The following CNTNAP2 variants were observed in gnomAD, a reference collection of about 807,000 sequenced individuals.
The protein encoded by CNTNAP2 is contactin associated protein 2.
CNTNAP2 carries 98 observed loss-of-function variants against 155.2 expected under a neutral mutation model. The ratio of observed to expected loss-of-function variants is 0.63; its 90% CI spans 0.54 to 0.75. The LOEUF is 0.75. Ranked by LOEUF, CNTNAP2 falls within the 30% of genes least tolerant of loss-of-function variation. The probability of loss-of-function intolerance (pLI) is 0.00; values close to 1 mark genes in which losing one functional copy is unlikely to be tolerated. For synonymous variants in CNTNAP2, 651 were observed against 631.2 expected, an observed-to-expected ratio of 1.03 and a Z score of -0.47; for missense variants, 1,727 against 1,688.1, an observed-to-expected ratio of 1.02 and a Z score of -0.40.
At chr7:146,687,510 G>A (rs1017997293) in intron 1 of CNTNAP2, among the ~76,000 whole-genome samples, 8 of 152,094 alleles carry the variant, frequency 5.3e-5, no homozygotes, top group African/African-American at 9.7e-5. Flanking sequence ...AGAAGGGAAC[G>A]ACTCGACTTA....
intron 2 of CNTNAP2, among the ~76,000 whole-genome samples, chr7:146,808,147 T>C (rs1803001514): frequency 6.6e-6 from 1 of 152,206 alleles, no homozygotes; most frequent in East Asian, 1.9e-4. Context: ...AAGCACATTC[T>C]CTAATATAAT....
intron 13 of CNTNAP2, among the ~76,000 whole-genome samples, chr7:147,847,775 G>T (rs1323960801): frequency 6.8e-5 from 3 of 44,332 alleles, no homozygotes; most frequent in Non-Finnish European, 1.2e-4. Flanking sequence ...ATGGGTTTTC[G>T]GTGTAGATGT....
intron 1 of CNTNAP2, among the ~76,000 whole-genome samples, chr7:146,565,735 G>A (rs1389246962): frequency 6.6e-6 from 1 of 152,188 alleles, no homozygotes; most frequent in Non-Finnish European, 1.5e-5. Context: ...CTGCACATGA[G>A]CTGTTCATTT....
At chr7:147,954,155 T>C (rs1377054175) in intron 14 of CNTNAP2, among the ~76,000 whole-genome samples, 1 of 152,290 alleles carries the variant, frequency 6.6e-6, no homozygotes, top group East Asian at 1.9e-4. Flanking sequence ...TCCAGTGTAC[T>C]ATGGAGAGAC....
intron 9 of CNTNAP2, among the ~76,000 whole-genome samples, chr7:147,339,019 T>G (rs1369015794): frequency 6.6e-6 from 1 of 152,192 alleles, no homozygotes; most frequent in Non-Finnish European, 1.5e-5. Flanking sequence ...TCAAATGTAT[T>G]TTAAATGCTG....
chr7:147,150,637 G>C (rs1479069495), intron 8 of CNTNAP2, among the ~76,000 whole-genome samples: 1 of 152,020 alleles, frequency 6.6e-6, no homozygotes, highest in Non-Finnish European at 1.5e-5. Context: ...GAAAACCTAG[G>C]CTAATGCTCT....
chr7:146,721,002 C>CTATATAT (rs1270854715), intron 1 of CNTNAP2, among the ~76,000 whole-genome samples: 3,498 of 90,980 alleles, frequency 0.038, 209 homozygotes, highest in African/African-American at 0.3. Context: ...TATATATAGT[C>CTATATAT]TATATATATA....
intron 1 of CNTNAP2, among the ~76,000 whole-genome samples, chr7:146,224,717 T>G (rs920499682): frequency 1.3e-5 from 2 of 151,996 alleles, no homozygotes; most frequent in African/African-American, 4.8e-5. Context: ...TGCAGTGAGC[T>G]GAGATCGCGC....
chr7:147,346,054 C>G (rs997480065), intron 9 of CNTNAP2, among the ~76,000 whole-genome samples: 4 of 152,090 alleles, frequency 2.6e-5, no homozygotes, highest in African/African-American at 9.7e-5. Flanking sequence ...TATTACATTT[C>G]TACAAAGGAA....
intron 14 of CNTNAP2, among the ~76,000 whole-genome samples, chr7:147,931,119 C>T (rs1800494386): frequency 6.6e-6 from 1 of 151,340 alleles, no homozygotes; most frequent in Non-Finnish European, 1.5e-5. Flanking sequence ...ACCTAACATA[C>T]CTCAAGAAAC....
At chr7:146,297,704 A>G (rs1038518572) in intron 1 of CNTNAP2, among the ~76,000 whole-genome samples, 18 of 152,190 alleles carry the variant, frequency 1.2e-4, no homozygotes, top group African/African-American at 4.1e-4. Flanking sequence ...AGTAATTGGC[A>G]TTAATAGCTT....
intron 21 of CNTNAP2, among the ~76,000 whole-genome samples, chr7:148,278,375 G>A (rs1272308611): frequency 6.6e-6 from 1 of 151,990 alleles, no homozygotes; most frequent in Non-Finnish European, 1.5e-5. Context: ...GACCATCCTG[G>A]CTAACATGGC....
intron 1 of CNTNAP2, among the ~76,000 whole-genome samples, chr7:146,234,634 T>G (rs975919107): frequency 1.5e-4 from 23 of 151,846 alleles, no homozygotes; most frequent in Non-Finnish European, 2.8e-4. Context: ...TGAATTAATT[T>G]TTGTATAAGG....
chr7:147,414,949 AAAAAAAAAAAAAAAG>A (rs1797166796), intron 10 of CNTNAP2, among the ~76,000 whole-genome samples: 1 of 149,746 alleles, frequency 6.7e-6, no homozygotes, highest in Non-Finnish European at 1.5e-5. Flanking sequence ...CTCAAAAAAA[AAAAAAAAAAAAAAAG>A]AAAAGAAAAA....
At chr7:147,153,212 C>T (rs1003736545) in intron 8 of CNTNAP2, among the ~76,000 whole-genome samples, 1 of 152,038 alleles carries the variant, frequency 6.6e-6, no homozygotes, top group Non-Finnish European at 1.5e-5. Flanking sequence ...CTATAGTAAG[C>T]CTACTGTGTT....
intron 1 of CNTNAP2, among the ~76,000 whole-genome samples, chr7:146,435,960 C>T (rs919832790): frequency 3.3e-5 from 5 of 152,112 alleles, no homozygotes; most frequent in African/African-American, 7.2e-5. Context: ...TTGGCTGAAT[C>T]CAAAGCCTAA....
intron 1 of CNTNAP2, among the ~76,000 whole-genome samples, chr7:146,347,929 C>T (rs796954981): frequency 2.3e-4 from 35 of 152,208 alleles, no homozygotes; most frequent in African/African-American, 7.5e-4. Flanking sequence ...ATGTGAACTT[C>T]GGAAATTCTA....
chr7:147,909,971 C>G (rs1263258253), intron 14 of CNTNAP2, among the ~76,000 whole-genome samples: 1 of 152,264 alleles, frequency 6.6e-6, no homozygotes, highest in African/African-American at 2.4e-5. Flanking sequence ...TTCGCTGACC[C>G]TAAATGGAAT....
At chr7:148,223,826 A>G (rs977350283) in intron 19 of CNTNAP2, among the ~76,000 whole-genome samples, 3 of 152,258 alleles carry the variant, frequency 2.0e-5, no homozygotes, top group Admixed American at 2.0e-4. Flanking sequence ...AAAAGAAAAA[A>G]AAGAGAAAAC....
Sources: gnomAD v4.1 joint callset for allele counts (sites outside exome capture counted in the v4.1 genomes callset) on GRCh38, gnomAD v4.1.1 for gene constraint, MANE v1.5 for transcripts, NCBI Gene and HGNC (gene_info 2026-07-23, HGNC 2026-07-21) for gene names.